The following LGSN variants were observed in gnomAD, a reference collection of about 807,000 sequenced individuals.
LGSN encodes the protein lengsin, lens protein with glutamine synthetase domain.
A neutral mutation model predicts 19.5 loss-of-function variants in LGSN; 21 were observed. That is an observed-to-expected ratio of 1.07 (90% CI 0.76 to 1.55). The LOEUF (loss-of-function observed/expected upper bound fraction) is 1.55. LGSN is among the 40% of genes most tolerant of loss of function. LGSN has a pLI of 0.00. For missense variants in LGSN, 673 were observed against 608.5 expected, an observed-to-expected ratio of 1.11 and a Z score of -1.12; for synonymous variants, 257 against 215.6, an observed-to-expected ratio of 1.19 and a Z score of -1.68.
chr6:63,409,095 A>G, the LGSN span, among the ~76,000 whole-genome samples: 1 of 152,266 alleles, frequency 6.6e-6, no homozygotes, highest in Non-Finnish European at 1.5e-5. Flanking sequence ...AATATTTTGT[A>G]GAGACAGGAT....
At chr6:63,412,470 G>GAAGAA in the LGSN span, among the ~76,000 whole-genome samples, 3 of 101,322 alleles carry the variant, frequency 3.0e-5, no homozygotes, top group Non-Finnish European at 5.7e-5. Flanking sequence ...AAGAAAAAGA[G>GAAGAA]AGAGAAGAAA....
the LGSN span, among the ~76,000 whole-genome samples, chr6:63,386,086 A>G: frequency 6.6e-6 from 1 of 152,226 alleles, no homozygotes; most frequent in Non-Finnish European, 1.5e-5. Context: ...AATACATACA[A>G]TTTCTCATTA....
the LGSN span, among the ~76,000 whole-genome samples, chr6:63,355,689 T>C: frequency 6.6e-6 from 1 of 152,080 alleles, no homozygotes. Flanking sequence ...TCTTTTTGTT[T>C]TGTTTTGAGA....
the LGSN span, among the ~76,000 whole-genome samples, chr6:63,533,789 A>G: frequency 2.7e-4 from 41 of 152,220 alleles, no homozygotes; most frequent in African/African-American, 9.4e-4. Flanking sequence ...GATTTTTTTT[A>G]AAGTTACACA....
the LGSN span, among the ~76,000 whole-genome samples, chr6:63,379,426 C>G: frequency 2.3e-4 from 35 of 152,332 alleles, no homozygotes; most frequent in African/African-American, 7.9e-4. Flanking sequence ...CTCAGCGTAG[C>G]ATCCACAGCT....
At chr6:63,405,173 T>C in the LGSN span, among the ~76,000 whole-genome samples, 36 of 151,962 alleles carry the variant, frequency 2.4e-4, no homozygotes, top group Non-Finnish European at 4.7e-4. Flanking sequence ...CCATGGTGTA[T>C]ATGTGCCACA....
chr6:63,301,333 G>A (rs1237450946), intron 1 of LGSN, among the ~76,000 whole-genome samples: 1 of 152,058 alleles, frequency 6.6e-6, no homozygotes, highest in Non-Finnish European at 1.5e-5. Context: ...TATATGTAAA[G>A]TGTACAAGAA....
chr6:63,359,235 T>C, the LGSN span, among the ~76,000 whole-genome samples: 1 of 152,182 alleles, frequency 6.6e-6, no homozygotes, highest in South Asian at 2.1e-4. Flanking sequence ...TTCGGTTTGC[T>C]AGTATTTTAT....
At chr6:63,482,438 A>AGGTTTATG in the LGSN span, among the ~76,000 whole-genome samples, 4 of 152,194 alleles carry the variant, frequency 2.6e-5, no homozygotes, top group Admixed American at 6.5e-5. Context: ...CTATCCAAAA[A>AGGTTTATG]GGTTTATGGG....
At chr6:63,281,334 A>ATAT (rs36106495) in intron 3 of LGSN, 114 bp from the exon 4 acceptor site, 10 of 116,396 alleles carry the variant, frequency 8.6e-5, no homozygotes, top group Admixed American at 2.2e-4. Flanking sequence ...TATATATAAT[A>ATAT]AATATATATA....
chr6:63,505,559 A>AG, the LGSN span, among the ~76,000 whole-genome samples: 1 of 84,828 alleles, frequency 1.2e-5, no homozygotes, highest in Non-Finnish European at 2.1e-5. Flanking sequence ...CTGTCAAAAA[A>AG]AAAAAAAAAG....
the LGSN span, among the ~76,000 whole-genome samples, chr6:63,463,351 A>C: frequency 5.3e-5 from 8 of 152,186 alleles, no homozygotes; most frequent in African/African-American, 1.7e-4. Flanking sequence ...TTTATGGCAG[A>C]ATACAACTGA....
At chr6:63,412,439 A>AAAGC in the LGSN span, among the ~76,000 whole-genome samples, 2 of 134,592 alleles carry the variant, frequency 1.5e-5, no homozygotes, top group African/African-American at 3.3e-5. Context: ...AGAAAGAAAG[A>AAAGC]AAGCAAGAAA....
At chr6:63,504,435 T>G in the LGSN span, among the ~76,000 whole-genome samples, 1 of 152,132 alleles carries the variant, frequency 6.6e-6, no homozygotes, top group Non-Finnish European at 1.5e-5. Flanking sequence ...AGAGACAGGA[T>G]TTCACAGTGT....
At chr6:63,431,003 C>T in the LGSN span, among the ~76,000 whole-genome samples, 1 of 152,104 alleles carries the variant, frequency 6.6e-6, no homozygotes, top group African/African-American at 2.4e-5. Flanking sequence ...TAACTCAGTG[C>T]CTGGCAAAAT....
At chr6:63,521,262 GA>G in the LGSN span, among the ~76,000 whole-genome samples, 1 of 152,014 alleles carries the variant, frequency 6.6e-6, no homozygotes, top group African/African-American at 2.4e-5. Flanking sequence ...AGCAAGAAAA[GA>G]AAAAAACGGC....
the LGSN span, among the ~76,000 whole-genome samples, chr6:63,546,512 C>G: frequency 6.6e-6 from 1 of 152,130 alleles, no homozygotes; most frequent in Non-Finnish European, 1.5e-5. Flanking sequence ...TCGAGACCAG[C>G]CTGACCAATA....
chr6:63,327,363 C>T, the LGSN span, among the ~76,000 whole-genome samples: 2 of 152,110 alleles, frequency 1.3e-5, no homozygotes, highest in Admixed American at 6.5e-5. Flanking sequence ...GCCATGTTGC[C>T]CAACTCCAGA....
intron 1 of LGSN, among the ~76,000 whole-genome samples, chr6:63,306,889 T>A (rs1015290742): frequency 7.2e-5 from 11 of 152,226 alleles, no homozygotes; most frequent in Admixed American, 5.9e-4. Context: ...ATTTCATGAT[T>A]GTTAAATACT....
Sources: allele counts gnomAD v4.1 joint callset (sites outside exome capture counted in the v4.1 genomes callset), GRCh38; gene constraint gnomAD v4.1.1; transcripts MANE v1.5; gene names NCBI Gene and HGNC (gene_info 2026-07-23, HGNC 2026-07-21).